ATP8B1: variants seen among roughly 807,000 people sequenced by gnomAD.
The protein encoded by ATP8B1 is ATPase phospholipid transporting 8B1.
A neutral mutation model predicts 149.9 loss-of-function variants in ATP8B1; 80 were observed. The observed-to-expected ratio is 0.53, with a 90% CI of 0.45 to 0.64. The LOEUF is 0.64. Among genes scored for constraint, ATP8B1 ranks in the 30% least tolerant of loss-of-function variants. ATP8B1 has a pLI of 0.00. For synonymous variants in ATP8B1, 536 were observed against 562.8 expected, an observed-to-expected ratio of 0.95 and a Z score of 0.67; for missense variants, 1,247 against 1,552.6, an observed-to-expected ratio of 0.80 and a Z score of 3.31.
intron 4 of ATP8B1, among the ~76,000 whole-genome samples, chr18:57,702,208 T>C (rs1237187883): frequency 6.6e-6 from 1 of 152,212 alleles, no homozygotes; most frequent in Non-Finnish European, 1.5e-5. Context: ...TCCAAGAAAG[T>C]GAGCTGGCCT....
chr18:57,742,515 G>A (rs1052193153), intron 1 of ATP8B1, among the ~76,000 whole-genome samples: 15 of 151,970 alleles, frequency 9.9e-5, no homozygotes, highest in African/African-American at 2.2e-4. Context: ...CAGAAAATCC[G>A]CCCCAGAGCC....
chr18:57,696,699 A>G (rs1201696218), intron 8 of ATP8B1, among the ~76,000 whole-genome samples: 1 of 152,128 alleles, frequency 6.6e-6, no homozygotes, highest in Non-Finnish European at 1.5e-5. Context: ...AGAGGGAGCA[A>G]TGTCCCGACT....
At chr18:57,717,776 C>T (rs2079598135) in intron 2 of ATP8B1, among the ~76,000 whole-genome samples, 1 of 150,916 alleles carries the variant, frequency 6.6e-6, no homozygotes, top group Non-Finnish European at 1.5e-5. Flanking sequence ...CACTCTGTTG[C>T]CCAGGCTGGA....
At chr18:57,664,501 GAAAAAAAA>G (rs532262308) in intron 20 of ATP8B1, among the ~76,000 whole-genome samples, 3 of 99,494 alleles carry the variant, frequency 3.0e-5, no homozygotes, top group Admixed American at 1.1e-4. Flanking sequence ...GTCTTTCTAA[GAAAAAAAA>G]AAAAAAAAAA....
At chr18:57,652,211 G>T in intron 25 of ATP8B1, 39 bp from the exon 26 acceptor site, 1 of 1,612,302 alleles carries the variant, frequency 6.2e-7, no homozygotes, top group Non-Finnish European at 8.5e-7. Flanking sequence ...ACTCATTTTG[G>T]GGAGTTAGCA....
intron 16 of ATP8B1, among the ~76,000 whole-genome samples, chr18:57,672,794 A>C (rs1403546961): frequency 6.9e-6 from 1 of 145,074 alleles, no homozygotes; most frequent in African/African-American, 2.5e-5. Flanking sequence ...TGAACCAGGG[A>C]GGTAGAGGTT....
chr18:57,750,051 T>C (rs1202311573), intron 1 of ATP8B1, among the ~76,000 whole-genome samples: 2 of 152,182 alleles, frequency 1.3e-5, no homozygotes, highest in African/African-American at 4.8e-5. Flanking sequence ...GAGACCAGCC[T>C]GGCCAACATC....
chr18:57,713,049 G>C (rs1256477868), intron 2 of ATP8B1, among the ~76,000 whole-genome samples: 1 of 152,016 alleles, frequency 6.6e-6, no homozygotes, highest in Non-Finnish European at 1.5e-5. Context: ...TCTGGCTTTA[G>C]TTGTGACCCA....
At chr18:57,767,277 T>C (rs774312535) in intron 1 of ATP8B1, among the ~76,000 whole-genome samples, 1 of 152,156 alleles carries the variant, frequency 6.6e-6, no homozygotes, top group Non-Finnish European at 1.5e-5. Flanking sequence ...TACATGCCCC[T>C]CTAATTCTCG....
At position 57,661,307 on chromosome 18, in the gene ATP8B1, G is replaced by T; in HGVS notation, c.2574C>A (p.Cys858Ter). 1.2e-6 allele frequency: 2 copies of T among 1,613,958 alleles called. No individual in the cohort carries two copies. Among genetic ancestry groups the T allele is most frequent in the Non-Finnish European group, 1.7e-6 (2 of 1,180,002 alleles). Residue 858 changes from cysteine (C) to a stop codon, truncating the protein, a stop_gained, in exon 22 of 28, where the codon TGC (cysteine) becomes TGA (stop). Transcript: ENST00000648908. LOFTEE classifies it high-confidence loss of function. Reference protein sequence around the residue: ...QRQKNFVDLACECSAVICCRV... With the variant: ...QRQKNFVDLA Reference sequence around the variant, plus strand: ...GGCAGCAGATGACTGCGCTGCACTCGCAGGCCAGGTCCACAAAGTTTTTCT... The same window carrying T: ...GGCAGCAGATGACTGCGCTGCACTCTCAGGCCAGGTCCACAAAGTTTTTCT...
intron 26 of ATP8B1, among the ~76,000 whole-genome samples, chr18:57,651,707 A>G (rs2122556978): frequency 6.6e-6 from 1 of 151,706 alleles, no homozygotes; most frequent in Middle Eastern, 3.4e-3. Context: ...ATCACGACTC[A>G]CTGTAGCCTC....
intron 1 of ATP8B1, among the ~76,000 whole-genome samples, chr18:57,799,305 C>T (rs1374941152): frequency 6.6e-6 from 1 of 152,218 alleles, no homozygotes; most frequent in African/African-American, 2.4e-5. Flanking sequence ...ACATATTTCT[C>T]ATTGTGGAAG....
At chr18:57,713,183 CTTT>C (rs1599144066) in intron 2 of ATP8B1, among the ~76,000 whole-genome samples, 151 of 94,252 alleles carry the variant, frequency 1.6e-3, no homozygotes, top group Middle Eastern at 4.7e-3. Context: ...TTCTTTCTTT[CTTT>C]CTTTCTTTCT....
At chr18:57,791,013 C>T (rs940817486) in intron 1 of ATP8B1, among the ~76,000 whole-genome samples, 3 of 152,046 alleles carry the variant, frequency 2.0e-5, no homozygotes, top group Admixed American at 1.3e-4. Flanking sequence ...TGAGCCACCG[C>T]GTCCGGCCTT....
intron 13 of ATP8B1, among the ~76,000 whole-genome samples, chr18:57,686,132 T>C (rs1912229319): frequency 6.7e-6 from 1 of 149,984 alleles, no homozygotes; most frequent in Admixed American, 6.6e-5. Context: ...CATGGTGGTG[T>C]GTGCCTGTAA....
intron 16 of ATP8B1, 58 bp downstream of exon 16, chr18:57,674,776 A>G (rs1186596281): frequency 4.4e-6 from 7 of 1,583,664 alleles, no homozygotes; most frequent in South Asian, 1.1e-5. Context: ...ACTCAATACA[A>G]TGGGCACAAG....
chr18:57,652,715 T>A lies in ATP8B1; in HGVS notation c.3030A>T (p.Lys1010Asn). The A allele has an allele frequency of 6.2e-7, 1 of 1,614,180 alleles. No individual in the cohort carries two copies. The highest frequency in any genetic ancestry group is 8.5e-7 in the Non-Finnish European group (1 of 1,180,024). Residue 1010 changes from lysine to asparagine, a missense_variant, in exon 25 of 28, where the codon AAA becomes AAT. Lys to Asn is a moderately conservative substitution (Grantham distance 94). Coordinates refer to ENST00000648908, the MANE Select transcript of ATP8B1 (RefSeq NM_001374385.1). ...MGLLDQDVSD[K>N]LSLRFPGLYI... ...ATAACCCAGGGAATCGGAGGCTCAG[T>A]TTGTCACTCACATCCTTAAGGAGAA...
chr18:57,761,112 T>TATAAAATAAAATAAAATAAA (rs55658113), intron 1 of ATP8B1, among the ~76,000 whole-genome samples: 8 of 133,568 alleles, frequency 6.0e-5, no homozygotes, highest in East Asian at 4.3e-4. Flanking sequence ...TAAAATAAAA[T>TATAAAATAAAATAAAATAAA]ATAAAATAAA....
rs948543321 is a variant in ATP8B1 at position 57,650,569 on chromosome 18, G to T, written c.3401-72C>A. 119 of 1,557,162 alleles carry T rather than the reference G, an allele frequency of 7.6e-5. 1 individual carries two copies. The highest frequency in any genetic ancestry group is 1.0e-4 in the Non-Finnish European group (114 of 1,141,474). On this transcript the variant is annotated intron_variant, in intron 26 of 27. Coordinates refer to ENST00000648908, the MANE Select transcript of ATP8B1 (RefSeq NM_001374385.1). ...GAACATAGTTAATATTTCGCCAGGT[G>T]TGGTGGCTCATGCCTGTAATCCTAA...
Sources: gnomAD v4.1 joint callset for allele counts (sites outside exome capture counted in the v4.1 genomes callset) on GRCh38, gnomAD v4.1.1 for gene constraint, MANE v1.5 for transcripts, NCBI Gene and HGNC (gene_info 2026-07-23, HGNC 2026-07-21) for gene names.